Variants in KLHL3 observed in about 807,000 individuals in gnomAD.
KLHL3 encodes kelch-like protein 3.
KLHL3 carries 19 observed loss-of-function variants against 70.5 expected under a neutral mutation model. The ratio of observed to expected loss-of-function variants is 0.27; its 90% CI spans 0.19 to 0.40. The LOEUF is 0.40. Ranked by LOEUF, KLHL3 falls within the 10% of genes least tolerant of loss-of-function variation. The pLI is 1.00. For synonymous variants in KLHL3, 258 were observed against 290.3 expected (o/e 0.89, Z 1.13); for missense variants, 512 against 771.1 (o/e 0.66, Z 3.98).
intron 7 of KLHL3, among the ~76,000 whole-genome samples, chr5:137,659,940 A>G (rs1309067278): frequency 6.6e-6 from 1 of 151,766 alleles, no homozygotes; most frequent in Non-Finnish European, 1.5e-5. Flanking sequence ...AGAAAAAAAA[A>G]CCTCCCCCAG....
chr5:137,633,876 T>C (rs1268119982), intron 12 of KLHL3, among the ~76,000 whole-genome samples, 161 bp downstream of exon 12: 1 of 152,200 alleles, frequency 6.6e-6, no homozygotes, highest in Non-Finnish European at 1.5e-5. Flanking sequence ...GGTCACTATT[T>C]GCGTGATGGG....
chr5:137,681,921 G>T (rs191941566), intron 5 of KLHL3, among the ~76,000 whole-genome samples: 1 of 152,100 alleles, frequency 6.6e-6, no homozygotes, highest in East Asian at 1.9e-4. Flanking sequence ...ATGGAGAAGA[G>T]GAAGAGGCAC....
intron 2 of KLHL3, among the ~76,000 whole-genome samples, chr5:137,711,155 A>G (rs909039676): frequency 1.3e-5 from 2 of 152,260 alleles, no homozygotes; most frequent in Non-Finnish European, 2.9e-5. Context: ...TGAGTCTGCC[A>G]TGGTTGACGG....
intron 5 of KLHL3, among the ~76,000 whole-genome samples, chr5:137,678,673 G>T (rs1374259366): frequency 6.6e-6 from 1 of 152,140 alleles, no homozygotes; most frequent in African/African-American, 2.4e-5. Context: ...ATCATTTCTT[G>T]TGAAAATCAT....
At chr5:137,675,874 C>T (rs1315684526) in intron 6 of KLHL3, among the ~76,000 whole-genome samples, 1 of 152,210 alleles carries the variant, frequency 6.6e-6, no homozygotes, top group African/African-American at 2.4e-5. Context: ...TCACTCTACA[C>T]TTAGAACATG....
intron 5 of KLHL3, among the ~76,000 whole-genome samples, chr5:137,683,488 G>A (rs2149911306): frequency 6.6e-6 from 1 of 152,218 alleles, no homozygotes; most frequent in Middle Eastern, 3.4e-3. Context: ...ATTTTTAGAG[G>A]CCAGAGGCAA....
rs545974049 is a variant in KLHL3 at position 137,639,083 on chromosome 5, T to C, written c.1089A>G (p.Thr363=). ...CCTTCACGCCGTCATACACATCCAC[T>C]GTCCGCACCCGCAGTGAGCCATTAA... ...GGFNGSLRVR[T]VDVYDGVKDQ... The change falls in exon 10 of 15, where the codon ACA becomes ACG. Residue 363 remains threonine (T), a synonymous_variant. Coordinates refer to ENST00000309755, the MANE Select transcript of KLHL3 (RefSeq NM_017415.3). This position sits in a 1 kb window ranked among gnomAD's most constrained non-coding sequence, Gnocchi z 5.0. 3.1e-6 allele frequency: 5 copies of C among 1,614,104 alleles called. No homozygotes were observed. Among genetic ancestry groups the C allele is most frequent in the Non-Finnish European group, 4.2e-6 (5 of 1,180,018 alleles).
chr5:137,713,616 A>C (rs368367508), intron 2 of KLHL3, among the ~76,000 whole-genome samples: 1 of 152,362 alleles, frequency 6.6e-6, no homozygotes, highest in South Asian at 2.1e-4. Flanking sequence ...CATGACTCCA[A>C]ATAAGGCAAT....
At chr5:137,683,853 T>C (rs971379406) in intron 5 of KLHL3, among the ~76,000 whole-genome samples, 12 of 152,010 alleles carry the variant, frequency 7.9e-5, no homozygotes, top group African/African-American at 4.8e-5. Context: ...AATAGTGCTA[T>C]TGATTCAACA....
At chr5:137,654,608 T>C (rs189443978) in intron 8 of KLHL3, among the ~76,000 whole-genome samples, 3 of 152,320 alleles carry the variant, frequency 2.0e-5, no homozygotes, top group East Asian at 1.9e-4. Context: ...GATGAGAGTA[T>C]AGTTTAAGAA....
intron 6 of KLHL3, among the ~76,000 whole-genome samples, chr5:137,670,168 G>A (rs942911166): frequency 3.9e-5 from 6 of 152,170 alleles, no homozygotes; most frequent in Non-Finnish European, 8.8e-5. Context: ...CATAAAAATT[G>A]AGAGTTTGAA....
In KLHL3 at chr5:137,637,329, G is replaced by A; in HGVS notation, c.1286C>T (p.Thr429Met). The A allele has an allele frequency of 4.3e-6, 7 of 1,614,098 alleles. No individual in the cohort carries two copies. The highest frequency in any genetic ancestry group is 1.1e-5 in the South Asian group (1 of 91,088). Residue 429 changes from threonine to methionine, a missense_variant, in exon 11 of 15, where the codon ACG (threonine) becomes ATG (methionine). By Grantham distance (81) the Thr-to-Met change is moderately conservative (BLOSUM62 -1). Coordinates refer to ENST00000309755, the MANE Select transcript of KLHL3 (RefSeq NM_017415.3). Reference sequence around the variant, plus strand: ...GCCCACACCCACACTGCTCCGCCGCGTGTTCATCGGGGCCACAAAGAACCA... The same window carrying A: ...GCCCACACCCACACTGCTCCGCCGCATGTTCATCGGGGCCACAAAGAACCA... The part of the protein sequence containing the change: ...NEWFFVAPMN[T>M]RRSSVGVGVV...
intron 6 of KLHL3, among the ~76,000 whole-genome samples, chr5:137,665,659 T>C (rs1355364363): frequency 6.6e-6 from 1 of 152,074 alleles, no homozygotes; most frequent in South Asian, 2.1e-4. Context: ...ACAACAAAAT[T>C]TATAGGATGG....
At chr5:137,698,265 C>T (rs1752492115) in intron 4 of KLHL3, 22 bp downstream of exon 4, 2 of 1,613,950 alleles carry the variant, frequency 1.2e-6, no homozygotes, top group Non-Finnish European at 1.7e-6. Context: ...ATACACTGAG[C>T]TATTAGTGAG....
chr5:137,666,227 G>C (rs1294031743), intron 6 of KLHL3, among the ~76,000 whole-genome samples: 2 of 152,228 alleles, frequency 1.3e-5, no homozygotes, highest in Non-Finnish European at 2.9e-5. Flanking sequence ...CTGGAGCAGA[G>C]AGCAGGGCTG....
At chr5:137,691,951 G>A (rs1752333562) in intron 5 of KLHL3, among the ~76,000 whole-genome samples, 1 of 152,048 alleles carries the variant, frequency 6.6e-6, no homozygotes, top group South Asian at 2.1e-4. Context: ...TTTATGGAAC[G>A]CTCAGATAAA....
intron 1 of KLHL3, among the ~76,000 whole-genome samples, chr5:137,725,759 G>A (rs1753076227): frequency 6.6e-6 from 1 of 152,182 alleles, no homozygotes; most frequent in Non-Finnish European, 1.5e-5. Flanking sequence ...TTTCCACACT[G>A]GCCTGTTACT....
chr5:137,692,561 G>A lies in KLHL3; in HGVS notation c.364-114C>T, dbSNP rs576955537. The stretch of plus-strand genomic sequence containing the variant: ...ATCTTTTCATGGCTCTCCACTGCCC[G>A]CCAGTAAGTCCAAACTTCCTAGCCT... On this transcript the variant is annotated intron_variant, in intron 4 of 14. Transcript: ENST00000309755. 35 of 989,052 alleles carry A rather than the reference G, an allele frequency of 3.5e-5. No individual in the cohort carries two copies. The African/African-American group carries it at 3.8e-4, about 11-fold the overall frequency. 61.3% of individuals were successfully genotyped at this position (989,052 alleles called of 1,614,324 possible).
chr5:137,633,236 G>A (rs943872476), intron 12 of KLHL3, among the ~76,000 whole-genome samples: 7 of 125,892 alleles, frequency 5.6e-5, no homozygotes, highest in South Asian at 2.7e-4. Flanking sequence ...CCGAGATAGC[G>A]CCACTGCACT....
Sources: gnomAD v4.1 joint callset for allele counts (sites outside exome capture counted in the v4.1 genomes callset) on GRCh38, gnomAD v4.1.1 for gene constraint, Gnocchi (gnomAD v3.1) non-coding constraint, MANE v1.5 for transcripts, NCBI Gene and HGNC (gene_info 2026-07-23, HGNC 2026-07-21) for gene names.